Variants in TFCP2L1 observed in about 807,000 individuals in gnomAD.
TFCP2L1 encodes transcription factor CP2-like protein 1.
Under a neutral mutation model 72.2 loss-of-function variants are expected in TFCP2L1, and 12 were observed. The ratio of observed to expected loss-of-function variants is 0.17; its 90% confidence interval spans 0.11 to 0.27. The LOEUF (loss-of-function observed/expected upper bound fraction) is 0.27, where lower values mean the gene tolerates loss of function less well. Among genes scored for constraint, TFCP2L1 ranks in the 10% least tolerant of loss-of-function variants. TFCP2L1 has a pLI of 1.00. For synonymous variants in TFCP2L1, 260 were observed against 251.0 expected, an observed-to-expected ratio of 1.04 and a Z score of -0.34; for missense variants, 488 against 624.6, an observed-to-expected ratio of 0.78 and a Z score of 2.33.
intron 2 of TFCP2L1, among the ~76,000 whole-genome samples, chr2:121,257,126 C>T (rs1022956396): frequency 9.2e-5 from 14 of 152,204 alleles, no homozygotes; most frequent in Non-Finnish European, 1.5e-4. Flanking sequence ...GCCCAGATTA[C>T]TTTGTGATGA....
chr2:121,284,854 C>T (rs1213733231), intron 1 of TFCP2L1, among the ~76,000 whole-genome samples, 194 bp downstream of exon 1: 1 of 152,152 alleles, frequency 6.6e-6, no homozygotes, highest in East Asian at 1.9e-4. Flanking sequence ...CCCCCAACTC[C>T]GCACGTCGGG....
chr2:121,247,049 T>G lies in TFCP2L1; in HGVS notation c.505-79A>C. The G allele has an allele frequency of 1.9e-6, 3 of 1,549,916 alleles. No homozygotes were observed. The East Asian group carries it at 7.0e-5, about 36-fold the overall frequency. ...TGGATCCCCCAAGCGCCCCCTCTAT[T>G]GGAGGTGTCCTTCCCTGCTTGGTCA... On this transcript the variant is annotated intron_variant, in intron 5 of 14. Coordinates refer to ENST00000263707, the MANE Select transcript of TFCP2L1 (RefSeq NM_014553.3).
Position 121,231,958 on chromosome 2 carries a change from G to A in TFCP2L1, c.1209C>T (p.Ala403=). Residue 403 remains alanine, a synonymous_variant, in exon 13 of 15, where the codon GCC becomes GCT. Coordinates refer to ENST00000263707, the MANE Select transcript of TFCP2L1 (RefSeq NM_014553.3). ...SGDSNLSVYH[A]IFLEELTTLE... is the part of the protein sequence containing the mutation. Reference sequence around the variant, plus strand: ...AGGTGGTCAGCTCTTCCAGGAAGATGGCGTGGTACACTGGGGGAAGGAGGA... The same window carrying A: ...AGGTGGTCAGCTCTTCCAGGAAGATAGCGTGGTACACTGGGGGAAGGAGGA... The A allele has an allele frequency of 6.2e-7, 1 of 1,601,020 alleles. No homozygotes were observed. The highest frequency in any genetic ancestry group is 8.5e-7 in the Non-Finnish European group (1 of 1,171,524).
At chr2:121,262,408 G>A (rs1012613697) in intron 2 of TFCP2L1, among the ~76,000 whole-genome samples, 16 of 152,172 alleles carry the variant, frequency 1.1e-4, no homozygotes, top group Admixed American at 2.6e-4. Context: ...AGGCTGCAGT[G>A]AGCCAAGATT....
chr2:121,259,181 G>A (rs1686785246), intron 2 of TFCP2L1, among the ~76,000 whole-genome samples: 1 of 152,124 alleles, frequency 6.6e-6, no homozygotes, highest in Non-Finnish European at 1.5e-5. Flanking sequence ...TACTTGGGAG[G>A]CTGAGGTAGG....
chr2:121,284,563 C>T (rs1687327471), intron 1 of TFCP2L1, among the ~76,000 whole-genome samples: 3 of 152,226 alleles, frequency 2.0e-5, no homozygotes, highest in South Asian at 4.1e-4. Context: ...GCCCGCCGCC[C>T]GCCCCTCGTC....
At chr2:121,250,645 T>C (rs968357231) in intron 2 of TFCP2L1, among the ~76,000 whole-genome samples, 3 of 150,792 alleles carry the variant, frequency 2.0e-5, no homozygotes, top group East Asian at 2.0e-4. Context: ...CTCACTCTGT[T>C]GCCCAGGCTG....
At position 121,243,354 on chromosome 2, in the gene TFCP2L1, C is replaced by T. The variant is rs571695412; in HGVS notation, c.658-885G>A. 9.2e-5 allele frequency among the ~76,000 whole-genome samples: 14 copies of T among 152,344 alleles called. No homozygotes were observed. The South Asian group carries it at 1.2e-3, about 14-fold the overall frequency. ...TTTTCATTCCAGGGGGCACCTTTCT[C>T]AGGCTACAGCTTTCGGCTCCCAGAT... On this transcript the variant is annotated intron_variant, in intron 6 of 14. Transcript: ENST00000263707.
intron 2 of TFCP2L1, among the ~76,000 whole-genome samples, chr2:121,251,957 CACTT>C (rs1185975860): frequency 3.9e-5 from 6 of 152,180 alleles, no homozygotes; most frequent in African/African-American, 1.4e-4. Flanking sequence ...AATGTAAAAA[CACTT>C]AATACAAACT....
intron 3 of TFCP2L1, among the ~76,000 whole-genome samples, chr2:121,249,333 T>C (rs1260599547): frequency 2.0e-5 from 3 of 152,200 alleles, no homozygotes; most frequent in Non-Finnish European, 2.9e-5. Context: ...AACCCTTTTG[T>C]GCAGATGAGC....
At chr2:121,237,949 G>T in intron 8 of TFCP2L1, 99 bp from the exon 9 acceptor site, 1 of 1,294,550 alleles carries the variant, frequency 7.7e-7, no homozygotes. Context: ...CCTATCAGAT[G>T]CAGGATTTGT....
intron 5 of TFCP2L1, among the ~76,000 whole-genome samples, chr2:121,247,683 G>A (rs942441554): frequency 6.6e-6 from 1 of 152,062 alleles, no homozygotes; most frequent in African/African-American, 2.4e-5. Context: ...TCAGAAAGGG[G>A]AGGAGACTTG....
intron 13 of TFCP2L1, among the ~76,000 whole-genome samples, chr2:121,227,827 CTGCCTCGAATCT>C (rs2104659514): frequency 6.6e-6 from 1 of 152,232 alleles, no homozygotes; most frequent in Admixed American, 6.5e-5. Context: ...CTCTGGATTA[CTGCCTCGAATCT>C]TGCAAATCCA....
chr2:121,260,852 G>A (rs1188649504), intron 2 of TFCP2L1, among the ~76,000 whole-genome samples: 1 of 152,228 alleles, frequency 6.6e-6, no homozygotes, highest in Non-Finnish European at 1.5e-5. Context: ...GTGTTCCCAA[G>A]AGCAGGAGGC....
At chr2:121,230,801 C>T (rs1234008457) in intron 13 of TFCP2L1, among the ~76,000 whole-genome samples, 1 of 151,482 alleles carries the variant, frequency 6.6e-6, no homozygotes, top group Non-Finnish European at 1.5e-5. Flanking sequence ...AAAGGCTGGG[C>T]ATGGTGGCTC....
chr2:121,269,091 GACAT>G (rs1686991025), intron 2 of TFCP2L1, among the ~76,000 whole-genome samples: 1 of 151,708 alleles, frequency 6.6e-6, no homozygotes, highest in Non-Finnish European at 1.5e-5. Context: ...TCCTAAATGG[GACAT>G]GAAATACAAA....
chr2:121,269,918 A>AAAAAAAAAAATAT, intron 2 of TFCP2L1, among the ~76,000 whole-genome samples: 9 of 115,162 alleles, frequency 7.8e-5, no homozygotes, highest in South Asian at 6.2e-4. Flanking sequence ...AAAAAAAAAA[A>AAAAAAAAAAATAT]ATATATATAT....
chr2:121,238,630 G>A (rs903334435), intron 8 of TFCP2L1, among the ~76,000 whole-genome samples: 20 of 152,078 alleles, frequency 1.3e-4, no homozygotes, highest in Non-Finnish European at 2.8e-4. Flanking sequence ...GCCACTTCTC[G>A]CCAAGTGTCT....
intron 2 of TFCP2L1, among the ~76,000 whole-genome samples, chr2:121,263,638 G>A (rs974476716): frequency 1.3e-5 from 2 of 152,322 alleles, no homozygotes; most frequent in Middle Eastern, 3.4e-3. Flanking sequence ...GTGGAGACAG[G>A]TGTCCTCTTG....
Sources: allele counts gnomAD v4.1 joint callset (sites outside exome capture counted in the v4.1 genomes callset), GRCh38; gene constraint gnomAD v4.1.1; transcripts MANE v1.5; gene names NCBI Gene and HGNC (gene_info 2026-07-23, HGNC 2026-07-21).